Variants in ODR4 observed in about 807,000 individuals in gnomAD.
ODR4 encodes the protein protein odr-4 homolog.
ODR4 carries 47 observed loss-of-function variants against 60.2 expected under a neutral mutation model. The observed-to-expected ratio is 0.78, with a 90% CI of 0.62 to 1.00. The LOEUF (loss-of-function observed/expected upper bound fraction) is 1.00. ODR4 is among the 50% of genes least tolerant of loss of function. ODR4 has a pLI of 0.00. For synonymous variants in ODR4, 178 were observed against 175.5 expected (o/e 1.01, Z -0.11); for missense variants, 488 against 530.8 (o/e 0.92, Z 0.79).
chr1:186,379,338 G>A (rs1016095595), intron 1 of ODR4, among the ~76,000 whole-genome samples: 2 of 151,586 alleles, frequency 1.3e-5, no homozygotes, highest in Non-Finnish European at 2.9e-5. Context: ...AGCTACTCAG[G>A]AGGCCGAGGC....
intron 3 of ODR4, 117 bp from the exon 4 acceptor site, chr1:186,385,871 A>G (rs2102025122): frequency 1.6e-6 from 1 of 607,542 alleles, no homozygotes; most frequent in East Asian, 3.2e-5. Flanking sequence ...AGATAGTTTT[A>G]TTTATAAAGT....
At chr1:186,418,084 A>C (rs12742751) in intron 13 of ODR4, among the ~76,000 whole-genome samples, 15,282 of 152,206 alleles carry the variant, frequency 0.1, 1,028 homozygotes, top group East Asian at 0.38. Flanking sequence ...AGTTTTCAGA[A>C]TTTTTGAACA....
chr1:186,425,566 A>G (rs975294231), downstream of ODR4, among the ~76,000 whole-genome samples: 1 of 152,138 alleles, frequency 6.6e-6, no homozygotes, highest in Admixed American at 6.5e-5. Flanking sequence ...TCTTCAAGAC[A>G]GGCCTGTCTC....
the ODR4 span, among the ~76,000 whole-genome samples, chr1:186,429,343 A>G: frequency 2.0e-5 from 3 of 152,230 alleles, no homozygotes; most frequent in African/African-American, 7.2e-5. Flanking sequence ...ATACATAGAC[A>G]GAAAATGAGC....
chr1:186,422,977 A>G (rs1661820120), downstream of ODR4, among the ~76,000 whole-genome samples: 1 of 152,190 alleles, frequency 6.6e-6, no homozygotes, highest in African/African-American at 2.4e-5. Context: ...TAAAGCAGGG[A>G]TGAAAAGGTG....
At chr1:186,423,757 C>A (rs1275720971), downstream of ODR4, among the ~76,000 whole-genome samples, 1 of 152,000 alleles carries the variant, frequency 6.6e-6, no homozygotes, top group Non-Finnish European at 1.5e-5. Flanking sequence ...ACCCGGCCAC[C>A]ACTTCTATTT....
At chr1:186,408,616 TTA>T (rs949561517) in intron 12 of ODR4, among the ~76,000 whole-genome samples, 61 of 149,948 alleles carry the variant, frequency 4.1e-4, no homozygotes, top group African/African-American at 1.4e-3. Flanking sequence ...GTGAACATGT[TTA>T]TATGTTTATA....
intron 12 of ODR4, among the ~76,000 whole-genome samples, chr1:186,415,108 G>C (rs1053820996): frequency 6.7e-6 from 1 of 149,216 alleles, no homozygotes; most frequent in Admixed American, 6.7e-5. Flanking sequence ...AAGGGGGGAG[G>C]GTTTTTTTGT....
At chr1:186,422,399 TAATG>T (rs1661808073), downstream of ODR4, among the ~76,000 whole-genome samples, 1 of 152,146 alleles carries the variant, frequency 6.6e-6, no homozygotes, top group Non-Finnish European at 1.5e-5. Flanking sequence ...AACAACTAAT[TAATG>T]ATAAAGAATT....
chr1:186,383,678 G>GAT (rs60229243), intron 3 of ODR4, among the ~76,000 whole-genome samples: 14,942 of 140,524 alleles, frequency 0.11, 1,000 homozygotes, highest in East Asian at 0.39. Context: ...TGTGTATGTA[G>GAT]ATATATATAT....
chr1:186,425,270 C>A (rs78343664), downstream of ODR4, among the ~76,000 whole-genome samples: 22,848 of 152,134 alleles, frequency 0.15, 1,957 homozygotes, highest in African/African-American at 0.23. Flanking sequence ...GACAAGTTTT[C>A]TTTCCCATAT....
At chr1:186,398,758 TTAGA>T (rs1257983868) in intron 10 of ODR4, among the ~76,000 whole-genome samples, 192 bp from the exon 11 acceptor site, 1 of 152,202 alleles carries the variant, frequency 6.6e-6, no homozygotes, top group Non-Finnish European at 1.5e-5. Context: ...TTTTAACTAT[TTAGA>T]TAAATTTATC....
rs576706814 is a variant in ODR4 at position 186,410,570 on chromosome 1, C to T, written c.1186+4302C>T. Among the ~76,000 whole-genome samples the T allele has an allele frequency of 2.0e-5, 3 of 152,180 alleles. No individual in the cohort carries two copies. In the South Asian group the frequency reaches 6.2e-4, roughly 32 times the overall value. Reference sequence around the variant, plus strand: ...GTTATGCAGAGAATGTAGTAAGGTCCTAAGAGTACCTAAGAACTCCATCAA... The same window carrying T: ...GTTATGCAGAGAATGTAGTAAGGTCTTAAGAGTACCTAAGAACTCCATCAA... On this transcript the variant is annotated intron_variant, in intron 12 of 13. Transcript: ENST00000287859.
At chr1:186,385,152 ACTAGGAT>A (rs1660206172) in intron 3 of ODR4, among the ~76,000 whole-genome samples, 1 of 151,970 alleles carries the variant, frequency 6.6e-6, no homozygotes, top group Non-Finnish European at 1.5e-5. Context: ...AGAAAGATGT[ACTAGGAT>A]TTTTAATCAA....
chr1:186,395,835 G>A (rs890966661), intron 9 of ODR4, among the ~76,000 whole-genome samples: 1 of 152,008 alleles, frequency 6.6e-6, no homozygotes, highest in Non-Finnish European at 1.5e-5. Flanking sequence ...TATTGAGTTT[G>A]TACAACAGCC....
At chr1:186,398,218 G>A in intron 9 of ODR4, 95 bp from the exon 10 acceptor site, 3 of 1,164,492 alleles carry the variant, frequency 2.6e-6, no homozygotes. Context: ...TCAAAACTTT[G>A]TTCTCTCTTC....
chr1:186,432,535 C>T, the ODR4 span, among the ~76,000 whole-genome samples: 36 of 152,000 alleles, frequency 2.4e-4, no homozygotes, highest in Non-Finnish European at 4.4e-4. Flanking sequence ...TTGTTAACTA[C>T]TGTTCTGGTT....
intron 13 of ODR4, among the ~76,000 whole-genome samples, chr1:186,418,660 C>T (rs1051864607): frequency 2.6e-5 from 4 of 152,192 alleles, no homozygotes; most frequent in South Asian, 2.1e-4. Flanking sequence ...CTGGAGCTGC[C>T]GTTTTCTTTT....
intron 7 of ODR4, 122 bp downstream of exon 7, chr1:186,390,973 T>C: frequency 4.7e-6 from 5 of 1,059,196 alleles, no homozygotes; most frequent in Admixed American, 5.9e-5. Flanking sequence ...AATGTTGTTA[T>C]GTGAGTAACT....
Sources: gnomAD v4.1 joint callset for allele counts (sites outside exome capture counted in the v4.1 genomes callset) on GRCh38, gnomAD v4.1.1 for gene constraint, MANE v1.5 for transcripts, NCBI Gene and HGNC (gene_info 2026-07-23, HGNC 2026-07-21) for gene names.